ELF2: variants seen among roughly 807,000 people sequenced by gnomAD.
ELF2 encodes ETS-related transcription factor Elf-2.
Under a neutral mutation model 54.8 loss-of-function variants are expected in ELF2, and 11 were observed. That is an observed-to-expected ratio of 0.20 (90% CI 0.13 to 0.33). ELF2 has a LOEUF of 0.33. ELF2 is among the 10% of genes least tolerant of loss of function. The probability of loss-of-function intolerance (pLI) is 1.00; values close to 1 mark genes in which losing one functional copy is unlikely to be tolerated. For missense variants in ELF2, 513 were observed against 703.0 expected (o/e 0.73, Z 3.06); for synonymous variants, 203 against 245.1 (o/e 0.83, Z 1.61).
At chr4:139,069,615 T>A (rs1008720725) in intron 6 of ELF2, among the ~76,000 whole-genome samples, 9 of 151,840 alleles carry the variant, frequency 5.9e-5, no homozygotes, top group Non-Finnish European at 1.0e-4. Context: ...GGTTCTATAG[T>A]CATATTAACT....
chr4:139,134,948 T>C (rs1737974981), intron 3 of ELF2, among the ~76,000 whole-genome samples: 1 of 152,060 alleles, frequency 6.6e-6, no homozygotes, highest in Non-Finnish European at 1.5e-5. Flanking sequence ...ATTACTATTT[T>C]GAAAAATAAT....
chr4:139,084,494 G>A (rs1034392884), intron 4 of ELF2: 13 of 938,762 alleles, frequency 1.4e-5, no homozygotes, highest in African/African-American at 1.7e-5. Context: ...AGCTGGCAAC[G>A]CGATCCTTCC....
intron 8 of ELF2, among the ~76,000 whole-genome samples, chr4:139,061,295 C>A (rs1455156078): frequency 6.6e-6 from 1 of 151,994 alleles, no homozygotes; most frequent in South Asian, 2.1e-4. Context: ...TTACCTCAGC[C>A]TCCCGAATAG....
At position 139,112,823 on chromosome 4, in the gene ELF2, A is replaced by G. The variant is rs144012086; in HGVS notation, c.238+12341T>C. Among the ~76,000 whole-genome samples the G allele has an allele frequency of 7.7e-4, 117 of 152,232 alleles. 1 individual carries two copies. The highest frequency in any genetic ancestry group is 2.5e-3 in the African/African-American group (104 of 41,512). Reference sequence around the variant, plus strand: ...GTCTCTCTGAATCACTTGAACCAGGAGGCGGAAGTTTCAGGGAGCCAGAAT... The same window carrying G: ...GTCTCTCTGAATCACTTGAACCAGGGGGCGGAAGTTTCAGGGAGCCAGAAT... On this transcript the variant is annotated intron_variant, in intron 4 of 9. Coordinates refer to ENST00000686138, the MANE Select transcript of ELF2 (RefSeq NM_001331036.3).
chr4:139,092,832 T>A (rs557740671), intron 4 of ELF2, among the ~76,000 whole-genome samples: 1 of 151,568 alleles, frequency 6.6e-6, no homozygotes. Context: ...TAATAATAAT[T>A]AAAAAATAGT....
intron 1 of ELF2, among the ~76,000 whole-genome samples, chr4:139,153,349 C>T (rs1080716): frequency 7.0e-4 from 106 of 152,040 alleles, no homozygotes; most frequent in African/African-American, 1.9e-3. Flanking sequence ...GTGGGAGGAT[C>T]GCTTGAGCCT....
intron 1 of ELF2, among the ~76,000 whole-genome samples, chr4:139,141,168 C>T (rs1738659917): frequency 6.6e-6 from 1 of 152,130 alleles, no homozygotes; most frequent in Non-Finnish European, 1.5e-5. Flanking sequence ...GCCTACATAC[C>T]ATGTGTCTAA....
At chr4:139,085,314 T>A (rs550349897) in intron 4 of ELF2, among the ~76,000 whole-genome samples, 7 of 152,304 alleles carry the variant, frequency 4.6e-5, no homozygotes, top group Admixed American at 3.3e-4. Context: ...GCTAAAGTTG[T>A]CTGCACACAA....
intron 4 of ELF2, chr4:139,115,076 G>A (rs1735495656): frequency 3.1e-6 from 5 of 1,613,814 alleles, no homozygotes; most frequent in Non-Finnish European, 4.2e-6. Flanking sequence ...ATGTCCAGGA[G>A]CTCATCCACG....
chr4:139,177,695 C>T (rs915190946), upstream of ELF2, among the ~76,000 whole-genome samples: 2 of 151,900 alleles, frequency 1.3e-5, no homozygotes, highest in Admixed American at 1.3e-4. Flanking sequence ...GCAGCGCCCG[C>T]CGGCTTTCCC....
intron 4 of ELF2, chr4:139,084,045 C>A: frequency 6.2e-7 from 1 of 1,602,144 alleles, no homozygotes; most frequent in Non-Finnish European, 8.5e-7. Context: ...ACCCCCAGCA[C>A]AGACTGCTAC....
At chr4:139,084,202 G>C (rs777914144) in intron 4 of ELF2, 2 of 1,613,058 alleles carry the variant, frequency 1.2e-6, no homozygotes, top group South Asian at 2.2e-5. Flanking sequence ...TTTATCCCGG[G>C]GCTGGAGCTG....
At chr4:139,062,145 C>A in intron 7 of ELF2, 88 bp from the exon 8 acceptor site, 1 of 1,252,102 alleles carries the variant, frequency 8.0e-7, no homozygotes, top group Non-Finnish European at 1.1e-6. Context: ...TTCATTGTAT[C>A]ATAAAAATCC....
rs1731718858 is a variant in ELF2, at chr4:139,084,453, CGGCGGCGGCTGT to C, written c.239-10898_239-10887del. ...GCAGGGGCAGGGGCGGCGGCGGCGG[CGGCGGCGGCTGT>C]GGCTGTGGCGGCCGCCGCAGCTGGC... On this transcript the variant is annotated intron_variant, in intron 4 of 9. Transcript: ENST00000686138. 10 of 1,151,642 alleles carry C rather than the reference CGGCGGCGGCTGT, an allele frequency of 8.7e-6. No homozygotes were observed. The African/African-American group carries it at 1.1e-4, about 13-fold the overall frequency. 71.3% of individuals were successfully genotyped at this position (1,151,642 alleles called of 1,614,324 possible).
At chr4:139,059,684 T>A (rs1431397567) in intron 9 of ELF2, 77 bp from the exon 10 acceptor site, 1 of 1,509,178 alleles carries the variant, frequency 6.6e-7, no homozygotes. Context: ...AAAAGATTAA[T>A]ACAAATCCAA....
intron 4 of ELF2, among the ~76,000 whole-genome samples, chr4:139,112,439 G>A (rs2148811044): frequency 6.6e-6 from 1 of 152,324 alleles, no homozygotes; most frequent in East Asian, 1.9e-4. Flanking sequence ...TTTACCACAA[G>A]ATATTCAGCT....
rs183971950 is a variant in ELF2 at position 139,100,154 on chromosome 4, C to G, written c.238+25010G>C. Among the ~76,000 whole-genome samples, 15 of 152,348 alleles carry G rather than the reference C, an allele frequency of 9.8e-5. 1 individual carries two copies. In the East Asian group the frequency reaches 2.5e-3, roughly 25 times the overall value. The stretch of plus-strand genomic sequence containing the variant: ...TTGCTTCCACCACTTAAATAGCTAT[C>G]TAGCCTTGGAAAAGTTATTCGGCCT... On this transcript the variant is annotated intron_variant, in intron 4 of 9. Coordinates refer to ENST00000686138, the MANE Select transcript of ELF2 (RefSeq NM_001331036.3).
chr4:139,175,349 A>G (rs1000890383), intron 1 of ELF2, among the ~76,000 whole-genome samples: 1 of 152,236 alleles, frequency 6.6e-6, no homozygotes, highest in Non-Finnish European at 1.5e-5. Context: ...TTAAATCACT[A>G]AACTTAAAAA....
intron 1 of ELF2, among the ~76,000 whole-genome samples, chr4:139,162,347 C>T (rs1333889246): frequency 6.6e-6 from 1 of 152,110 alleles, no homozygotes; most frequent in African/African-American, 2.4e-5. Context: ...GCCTGGCCAA[C>T]ACGGTGAAAC....
Sources: allele counts gnomAD v4.1 joint callset (sites outside exome capture counted in the v4.1 genomes callset), GRCh38; gene constraint gnomAD v4.1.1; transcripts MANE v1.5; gene names NCBI Gene and HGNC (gene_info 2026-07-23, HGNC 2026-07-21).